LY75: variants seen among roughly 807,000 people sequenced by gnomAD.
LY75 encodes the protein C-type lectin domain family 13 member B.
LY75 carries 185 observed loss-of-function variants against 231.7 expected under a neutral mutation model. That is an observed-to-expected ratio of 0.80 (90% CI 0.71 to 0.90). The LOEUF is 0.90. LY75 is among the 40% of genes least tolerant of loss of function. The pLI is 0.00. For synonymous variants in LY75, 668 were observed against 689.0 expected (o/e 0.97, Z 0.48); for missense variants, 1,947 against 2,050.2 (o/e 0.95, Z 0.97).
intron 13 of LY75, among the ~76,000 whole-genome samples, chr2:159,868,022 A>G (rs1684906333): frequency 6.6e-6 from 1 of 152,218 alleles, no homozygotes; most frequent in African/African-American, 2.4e-5. Context: ...TTCCTGCAAT[A>G]AAAAGCCAAG....
intron 21 of LY75, among the ~76,000 whole-genome samples, chr2:159,850,773 C>CATATAT (rs67887100): frequency 0.013 from 341 of 27,150 alleles, 28 homozygotes; most frequent in African/African-American, 0.034. Flanking sequence ...TTCAAACTTT[C>CATATAT]ATATATATAT....
chr2:159,807,663 T>C (rs981376833), intron 33 of LY75: 4 of 985,200 alleles, frequency 4.1e-6, no homozygotes, highest in African/African-American at 1.7e-5. Flanking sequence ...GTAAACACGA[T>C]TTAGGATTCA....
Position 159,875,438 on chromosome 2 carries a change from C to G in LY75, c.1974+6G>C, listed in dbSNP as rs764517846. 1 of 1,611,848 alleles carries G rather than the reference C, an allele frequency of 6.2e-7. No individual in the cohort carries two copies. The highest frequency in any genetic ancestry group is 2.2e-5 in the East Asian group (1 of 44,870). On this transcript the variant is annotated splice_donor_region_variant and intron_variant, in intron 12 of 34. Transcript: ENST00000263636. ...ATTGAAGGATAGAATGAGAATGTCA[C>G]TTTACCTTATAACAAGAAAGACTTG...
At chr2:159,862,255 G>A (rs1175027111) in intron 14 of LY75, among the ~76,000 whole-genome samples, 2 of 141,390 alleles carry the variant, frequency 1.4e-5, no homozygotes, top group African/African-American at 2.6e-5. Flanking sequence ...TTGCACGACT[G>A]CACTCTAGCC....
intron 23 of LY75, among the ~76,000 whole-genome samples, chr2:159,844,864 T>C (rs1313450275): frequency 4.6e-5 from 7 of 151,684 alleles, no homozygotes; most frequent in Non-Finnish European, 1.0e-4. Flanking sequence ...TAAATGGGTG[T>C]GTTGGACCCA....
chr2:159,834,072 A>T lies in LY75; in HGVS notation c.3813T>A (p.Asp1271Glu). ...TKNRHMATTQ[D>E]EVHTKCQKLN... ...GTTTCTGGCATTTAGTATGAACTTCATCCTGTGTTGTTGCCATATGCCTAT... is the reference window on the plus strand; with the variant it reads ...GTTTCTGGCATTTAGTATGAACTTCTTCCTGTGTTGTTGCCATATGCCTAT... The change falls in exon 27 of 35, where the codon GAT becomes GAA. Residue 1271 changes from aspartate to glutamate, a missense_variant. Asp to Glu is a conservative substitution (Grantham distance 45, BLOSUM62 2). Coordinates refer to ENST00000263636, the MANE Select transcript of LY75 (RefSeq NM_002349.4). 6.2e-7 allele frequency: 1 copy of T among 1,613,810 alleles called. No individual in the cohort carries two copies. Among genetic ancestry groups the T allele is most frequent in the Non-Finnish European group, 8.5e-7 (1 of 1,179,892 alleles).
intron 29 of LY75, among the ~76,000 whole-genome samples, chr2:159,818,577 G>C (rs1359512246): frequency 6.6e-6 from 1 of 152,130 alleles, no homozygotes; most frequent in Admixed American, 6.5e-5. Flanking sequence ...GAAAGAAAAA[G>C]TATGTTAAAT....
At chr2:159,854,016 T>C (rs1004506596) in intron 18 of LY75, among the ~76,000 whole-genome samples, 1 of 152,110 alleles carries the variant, frequency 6.6e-6, no homozygotes, top group Non-Finnish European at 1.5e-5. Context: ...ATTATTTTTC[T>C]TCCCAAAAAT....
intron 6 of LY75, 61 bp from the exon 7 acceptor site, chr2:159,882,376 T>C (rs1180202159): frequency 1.3e-6 from 2 of 1,546,060 alleles, no homozygotes; most frequent in East Asian, 2.3e-5. Context: ...ATCAATAACA[T>C]TGCAAATTCT....
chr2:159,813,172 A>G (rs1387648155), intron 31 of LY75, among the ~76,000 whole-genome samples: 1 of 152,216 alleles, frequency 6.6e-6, no homozygotes, highest in Non-Finnish European at 1.5e-5. Context: ...TTTTGAGTAT[A>G]TACCTGAAGT....
intron 29 of LY75, among the ~76,000 whole-genome samples, chr2:159,817,709 C>CA (rs1165716277): frequency 6.6e-6 from 1 of 151,914 alleles, no homozygotes; most frequent in East Asian, 1.9e-4. Context: ...AAACAAATAA[C>CA]AAAAAAACTA....
rs909068825 is a variant in LY75, at chr2:159,878,632, C to T, written c.1604+1G>A. On this transcript the variant is annotated splice_donor_variant, in intron 10 of 34. Transcript: ENST00000263636. LOFTEE classifies it high-confidence loss of function. Reference sequence around the variant, plus strand: ...GAGTACAAGTTTACTGATGGTCACACCTGCTAGTGATAGTCAGATTGCAGT... The same window carrying T: ...GAGTACAAGTTTACTGATGGTCACATCTGCTAGTGATAGTCAGATTGCAGT... 4.3e-6 allele frequency: 7 copies of T among 1,613,900 alleles called. No homozygotes were observed. The highest frequency in any genetic ancestry group is 5.9e-6 in the Non-Finnish European group (7 of 1,179,974).
chr2:159,873,620 T>C (rs1191389294), intron 12 of LY75, among the ~76,000 whole-genome samples: 4 of 152,026 alleles, frequency 2.6e-5, no homozygotes, highest in African/African-American at 9.7e-5. Flanking sequence ...TAAATGTTTG[T>C]TGTCATAGCC....
intron 16 of LY75, among the ~76,000 whole-genome samples, chr2:159,855,565 C>T (rs1050298309): frequency 6.6e-6 from 1 of 152,172 alleles, no homozygotes; most frequent in Admixed American, 6.5e-5. Flanking sequence ...GGGTTGGAAG[C>T]TGGGCGGGTC....
chr2:159,831,828 T>A (rs762559729), intron 27 of LY75, 42 bp from the exon 28 acceptor site: 1 of 1,508,682 alleles, frequency 6.6e-7, no homozygotes, highest in South Asian at 1.2e-5. Flanking sequence ...CAATTACTTA[T>A]CTAGTACACT....
intron 15 of LY75, among the ~76,000 whole-genome samples, chr2:159,860,465 C>A (rs1684670507): frequency 6.6e-6 from 1 of 152,102 alleles, no homozygotes; most frequent in Non-Finnish European, 1.5e-5. Flanking sequence ...AAAACCTTAC[C>A]CTATCCCATT....
At chr2:159,885,740 T>G (rs577063894) in intron 5 of LY75, among the ~76,000 whole-genome samples, 1 of 152,350 alleles carries the variant, frequency 6.6e-6, no homozygotes, top group South Asian at 2.1e-4. Context: ...TTTAGCAAAC[T>G]AAATTAACTA....
Position 159,898,988 on chromosome 2 carries a change from C to T in LY75, c.166G>A (p.Ala56Thr). The change falls in exon 2 of 35, where the codon GCA becomes ACA. Residue 56 changes from alanine to threonine, a missense_variant. Coordinates refer to ENST00000263636, the MANE Select transcript of LY75 (RefSeq NM_002349.4). ...CIKPVYGWIV[A>T]DDCDETEDKL... Reference sequence around the variant, plus strand: ...TCCTCAGTTTCATCACAGTCGTCTGCTACTATCCAGCCATACACTGGCTTG... The same window carrying T: ...TCCTCAGTTTCATCACAGTCGTCTGTTACTATCCAGCCATACACTGGCTTG... 1 of 1,614,246 alleles carries T rather than the reference C, an allele frequency of 6.2e-7. No individual in the cohort carries two copies. Among genetic ancestry groups the T allele is most frequent in the East Asian group, 2.2e-5 (1 of 44,894 alleles).
intron 33 of LY75, chr2:159,807,960 C>T: frequency 1.1e-6 from 1 of 942,558 alleles, no homozygotes; most frequent in Non-Finnish European, 1.3e-6. Flanking sequence ...ACCAACCTAA[C>T]ACTAAGACAG....
Sources: allele counts gnomAD v4.1 joint callset (sites outside exome capture counted in the v4.1 genomes callset), GRCh38; gene constraint gnomAD v4.1.1; transcripts MANE v1.5; gene names NCBI Gene and HGNC (gene_info 2026-07-23, HGNC 2026-07-21).